ARHGEF4: variants seen among roughly 807,000 people sequenced by gnomAD.
ARHGEF4 encodes the protein Rho guanine nucleotide exchange factor 4.
ARHGEF4 carries 119 observed loss-of-function variants against 162.0 expected under a neutral mutation model. The observed-to-expected ratio is 0.73, with a 90% CI of 0.63 to 0.86. The LOEUF (loss-of-function observed/expected upper bound fraction) is 0.86, where lower values mean the gene tolerates loss of function less well. Among genes scored for constraint, ARHGEF4 ranks in the 40% least tolerant of loss-of-function variants. The probability of loss-of-function intolerance (pLI) is 0.00; values close to 1 mark genes in which losing one functional copy is unlikely to be tolerated. For missense variants in ARHGEF4, 2,488 were observed against 2,456.0 expected (o/e 1.01, Z -0.28); for synonymous variants, 1,014 against 979.9 (o/e 1.03, Z -0.65).
At chr2:130,870,323 G>A (rs138891038) in intron 1 of ARHGEF4, among the ~76,000 whole-genome samples, 247 of 152,310 alleles carry the variant, frequency 1.6e-3, no homozygotes, top group African/African-American at 5.7e-3. Context: ...CGAGTGGGAT[G>A]TGTTTCAGAT....
Position 131,046,230 on chromosome 2 carries a change from A to G in ARHGEF4, c.*41A>G. 6.4e-7 allele frequency: 1 copy of G among 1,569,548 alleles called. No homozygotes were observed. On this transcript the variant is annotated 3_prime_UTR_variant, in exon 14 of 14. Transcript: ENST00000409359. Reference sequence around the variant, plus strand: ...ACAGCACCTGCTGGGCCTTCCTGCCAGTGGCCCCCAGTTTTTCTTCCCCGA... The same window carrying G: ...ACAGCACCTGCTGGGCCTTCCTGCCGGTGGCCCCCAGTTTTTCTTCCCCGA...
intron 2 of ARHGEF4, among the ~76,000 whole-genome samples, chr2:130,921,845 C>T (rs942318131): frequency 3.9e-5 from 6 of 151,960 alleles, no homozygotes; most frequent in African/African-American, 1.4e-4. Flanking sequence ...GCGCCTGCCA[C>T]CACGCTCAGC....
intron 4 of ARHGEF4, among the ~76,000 whole-genome samples, chr2:131,005,384 C>T (rs1688055205): frequency 6.6e-6 from 1 of 152,146 alleles, no homozygotes; most frequent in Non-Finnish European, 1.5e-5. Context: ...ACAGGGCTGC[C>T]CTCCAGCAGC....
intron 1 of ARHGEF4, among the ~76,000 whole-genome samples, chr2:130,877,505 G>A (rs935523419): frequency 2.6e-5 from 4 of 152,096 alleles, no homozygotes; most frequent in Non-Finnish European, 5.9e-5. Flanking sequence ...TCCTGGAGCC[G>A]TGCGTGGTGG....
intron 1 of ARHGEF4, among the ~76,000 whole-genome samples, chr2:130,843,543 G>A (rs555006547): frequency 1.6e-4 from 25 of 152,202 alleles, no homozygotes; most frequent in African/African-American, 6.0e-4. Context: ...AGGCACCAGT[G>A]CTTCCTCGTG....
chr2:130,903,957 T>C (rs1432874922), intron 1 of ARHGEF4, among the ~76,000 whole-genome samples: 1 of 152,248 alleles, frequency 6.6e-6, no homozygotes, highest in Non-Finnish European at 1.5e-5. Context: ...TCCATGTCTT[T>C]GCTATTGTGA....
At chr2:131,027,912 C>T (rs944773677) in intron 4 of ARHGEF4, 33 bp from the exon 5 acceptor site, 3 of 1,611,806 alleles carry the variant, frequency 1.9e-6, no homozygotes, top group South Asian at 2.2e-5. Flanking sequence ...CCCAGCCCAG[C>T]CCCCTTTGCC....
intron 4 of ARHGEF4, among the ~76,000 whole-genome samples, chr2:130,987,255 C>T (rs1372478681): frequency 1.3e-5 from 2 of 152,210 alleles, no homozygotes; most frequent in East Asian, 3.8e-4. Context: ...TCCCCAAGTG[C>T]TAGAGACAGT....
intron 1 of ARHGEF4, among the ~76,000 whole-genome samples, chr2:130,899,274 C>T (rs1680350270): frequency 6.6e-6 from 1 of 152,110 alleles, no homozygotes; most frequent in South Asian, 2.1e-4. Context: ...AAAATTCTGC[C>T]CACCTCAGTG....
intron 4 of ARHGEF4, among the ~76,000 whole-genome samples, chr2:130,969,870 C>T (rs935079920): frequency 1.3e-4 from 20 of 152,248 alleles, no homozygotes; most frequent in Middle Eastern, 3.4e-3. Context: ...TCCATGATGC[C>T]GTAGAAATGG....
At chr2:131,041,698 T>A (rs1320080205) in intron 9 of ARHGEF4, 117 bp from the exon 10 acceptor site, 1 of 1,399,212 alleles carries the variant, frequency 7.1e-7, no homozygotes, top group Non-Finnish European at 9.7e-7. Flanking sequence ...ATAGTGAGGA[T>A]GTGGTCAAAG....
intron 3 of ARHGEF4, among the ~76,000 whole-genome samples, chr2:130,936,323 C>T (rs1299045384): frequency 2.6e-5 from 4 of 152,086 alleles, no homozygotes; most frequent in South Asian, 2.1e-4. Context: ...TGATTTCTGT[C>T]GATTTTTGTT....
intron 2 of ARHGEF4, among the ~76,000 whole-genome samples, chr2:130,928,200 A>G (rs1183943115): frequency 1.3e-5 from 2 of 152,312 alleles, no homozygotes; most frequent in South Asian, 2.1e-4. Context: ...GTGCTTTCCT[A>G]TCAAGTGACT....
rs1367635326 is a variant in ARHGEF4, at chr2:131,014,400, C to A, written c.3986-13545C>A. Among the ~76,000 whole-genome samples, 4 of 152,266 alleles carry A rather than the reference C, an allele frequency of 2.6e-5. No individual in the cohort carries two copies. The East Asian group carries it at 7.7e-4, about 29-fold the overall frequency. Reference sequence around the variant, plus strand: ...TTTAAAGTAATTGTGACCACAAAGTCTTGTTTGTACATGAAGACCTGACCT... The same window carrying A: ...TTTAAAGTAATTGTGACCACAAAGTATTGTTTGTACATGAAGACCTGACCT... On this transcript the variant is annotated intron_variant, in intron 4 of 13. Coordinates refer to ENST00000409359, the MANE Select transcript of ARHGEF4 (RefSeq NM_001367493.1).
At chr2:130,855,037 C>A (rs2104895659) in intron 1 of ARHGEF4, among the ~76,000 whole-genome samples, 1 of 147,160 alleles carries the variant, frequency 6.8e-6, no homozygotes, top group East Asian at 2.0e-4. Context: ...CCACGCCCGG[C>A]AAATTTTTTT....
intron 4 of ARHGEF4, among the ~76,000 whole-genome samples, chr2:130,973,366 G>T (rs1191416595): frequency 6.6e-6 from 1 of 152,194 alleles, no homozygotes; most frequent in Non-Finnish European, 1.5e-5. Flanking sequence ...GTGCAAGCCT[G>T]TAATCCCAGC....
At chr2:130,958,706 G>A (rs988983054) in intron 4 of ARHGEF4, among the ~76,000 whole-genome samples, 49 of 151,608 alleles carry the variant, frequency 3.2e-4, no homozygotes, top group African/African-American at 1.2e-3. Flanking sequence ...CACCACTCCC[G>A]GCCTTGAATA....
chr2:130,917,343 C>G lies in ARHGEF4; in HGVS notation c.3397C>G (p.Pro1133Ala), dbSNP rs750151523. ...YSYVDSSSGD[P>A]ERPKIPKGQT... ...CTACGTGGACAGCAGTTCAGGGGACCCTGAAAGACCCAAGATTCCCAAGGG... is the reference window on the plus strand; with the variant it reads ...CTACGTGGACAGCAGTTCAGGGGACGCTGAAAGACCCAAGATTCCCAAGGG... Residue 1133 changes from proline (P) to alanine (A), a missense_variant, in exon 2 of 14, where the codon CCT (proline) becomes GCT (alanine). Transcript: ENST00000409359. 11 of 1,550,414 alleles carry G rather than the reference C, an allele frequency of 7.1e-6. No homozygotes were observed.
chr2:130,988,677 G>A lies in ARHGEF4; in HGVS notation c.3986-39268G>A, dbSNP rs144294619. ...TTAATAATATATTGTGGGATTCACT[G>A]GATGTCACTAAATATTTCTCAACAA... On this transcript the variant is annotated intron_variant, in intron 4 of 13. Transcript: ENST00000409359. Among the ~76,000 whole-genome samples, 835 of 151,966 alleles carry A rather than the reference G, an allele frequency of 5.5e-3. 10 individuals carry two copies. The highest frequency in any genetic ancestry group is 0.02 in the African/African-American group (810 of 41,424).
Sources: allele counts gnomAD v4.1 joint callset (sites outside exome capture counted in the v4.1 genomes callset), GRCh38; gene constraint gnomAD v4.1.1; transcripts MANE v1.5; gene names NCBI Gene and HGNC (gene_info 2026-07-23, HGNC 2026-07-21).